GNG2: variants seen among roughly 807,000 people sequenced by gnomAD.
The protein encoded by GNG2 is G protein subunit gamma 2.
GNG2 carries 5 observed loss-of-function variants against 5.5 expected under a neutral mutation model. That is an observed-to-expected ratio of 0.91 (90% CI 0.48 to 1.92). The LOEUF is 1.92. GNG2 is among the 30% of genes most tolerant of loss of function. The probability of loss-of-function intolerance (pLI) is 0.01; values close to 1 mark genes in which losing one functional copy is unlikely to be tolerated. For synonymous variants in GNG2, 28 were observed against 32.0 expected (o/e 0.88, Z 0.42); for missense variants, 55 against 88.4 (o/e 0.62, Z 1.52).
chr14:51,865,019 G>A (rs1331513011), intron 1 of GNG2, among the ~76,000 whole-genome samples: 1 of 152,124 alleles, frequency 6.6e-6, no homozygotes, highest in African/African-American at 2.4e-5. Flanking sequence ...GAGGAGAGCT[G>A]GGCAGAACAA....
At chr14:51,915,172 C>T (rs903527841) in intron 2 of GNG2, among the ~76,000 whole-genome samples, 1 of 152,226 alleles carries the variant, frequency 6.6e-6, no homozygotes, top group African/African-American at 2.4e-5. Flanking sequence ...TGTACTCCCA[C>T]TAACCTTCTT....
At chr14:51,918,231 T>A (rs1886774495) in intron 2 of GNG2, among the ~76,000 whole-genome samples, 1 of 152,210 alleles carries the variant, frequency 6.6e-6, no homozygotes, top group South Asian at 2.1e-4. Context: ...TTGACCATGT[T>A]ACCACGCTGT....
intron 2 of GNG2, chr14:51,918,682 T>A (rs369664158): frequency 2.6e-5 from 4 of 152,230 alleles, no homozygotes; most frequent in African/African-American, 9.6e-5. Flanking sequence ...AAAGCAGATT[T>A]ATTACTTAGG....
chr14:51,928,745 T>TA (rs1327348403), intron 2 of GNG2, among the ~76,000 whole-genome samples: 1 of 152,240 alleles, frequency 6.6e-6, no homozygotes, highest in Non-Finnish European at 1.5e-5. Flanking sequence ...TCCGGGTACA[T>TA]ACGGCTTATA....
At chr14:51,926,730 T>C (rs1399361542) in intron 2 of GNG2, among the ~76,000 whole-genome samples, 3 of 152,188 alleles carry the variant, frequency 2.0e-5, no homozygotes, top group Non-Finnish European at 4.4e-5. Flanking sequence ...GGAAGCGTCT[T>C]AGCAGGACTG....
At chr14:51,918,980 C>T (rs986780438) in intron 2 of GNG2, among the ~76,000 whole-genome samples, 1 of 152,156 alleles carries the variant, frequency 6.6e-6, no homozygotes, top group Non-Finnish European at 1.5e-5. Context: ...CATGTGCCAC[C>T]ACGCCAGGCT....
intron 2 of GNG2, among the ~76,000 whole-genome samples, chr14:51,936,893 A>G (rs539727359): frequency 1.3e-5 from 2 of 152,330 alleles, no homozygotes; most frequent in South Asian, 4.1e-4. Flanking sequence ...ACTTTAAAAA[A>G]TAATATCTGT....
chr14:51,935,343 C>G (rs1887928997), intron 2 of GNG2, among the ~76,000 whole-genome samples: 1 of 152,126 alleles, frequency 6.6e-6, no homozygotes, highest in South Asian at 2.1e-4. Context: ...TTTCTTTAAG[C>G]TTACTGCATC....
At chr14:51,908,736 A>ATTTTTTTTTTT (rs3030340) in intron 2 of GNG2, among the ~76,000 whole-genome samples, 1,020 of 89,826 alleles carry the variant, frequency 0.011, 173 homozygotes, top group East Asian at 0.065. Context: ...CACCCAGCTA[A>ATTTTTTTTTTT]TTTTTTTTTT....
At chr14:51,828,295 G>C (rs1001858412) in intron 2 of GNG2, among the ~76,000 whole-genome samples, 8 of 152,172 alleles carry the variant, frequency 5.3e-5, no homozygotes, top group African/African-American at 1.9e-4. Context: ...CACACAGTAG[G>C]GAAGTTTTCC....
At chr14:51,904,816 T>C (rs540984976) in intron 2 of GNG2, among the ~76,000 whole-genome samples, 1 of 152,350 alleles carries the variant, frequency 6.6e-6, no homozygotes, top group East Asian at 1.9e-4. Context: ...TCGATCAGCT[T>C]CATTTCTTTA....
chr14:51,841,030 C>A (rs2140077008), intron 2 of GNG2, among the ~76,000 whole-genome samples: 1 of 152,170 alleles, frequency 6.6e-6, no homozygotes, highest in South Asian at 2.1e-4. Flanking sequence ...GGAGGAGTGA[C>A]CACAAATGCA....
intron 2 of GNG2, among the ~76,000 whole-genome samples, chr14:51,893,907 T>C (rs61973109): frequency 0.34 from 52,406 of 151,982 alleles, 9,673 homozygotes; most frequent in Non-Finnish European, 0.42. Flanking sequence ...TGGATCAATT[T>C]GGATCAATTT....
chr14:51,848,088 T>A (rs1303108935), intron 2 of GNG2, among the ~76,000 whole-genome samples: 1 of 151,916 alleles, frequency 6.6e-6, no homozygotes, highest in Non-Finnish European at 1.5e-5. Context: ...ACCATTCACT[T>A]TGGAGTCTTC....
At chr14:51,964,920 T>G (rs1889810667) in intron 3 of GNG2, among the ~76,000 whole-genome samples, 1 of 152,130 alleles carries the variant, frequency 6.6e-6, no homozygotes, top group African/African-American at 2.4e-5. Context: ...TGACAAAGCT[T>G]TAATCAACTC....
intron 2 of GNG2, chr14:51,917,539 T>C: frequency 7.2e-6 from 3 of 418,084 alleles, no homozygotes; most frequent in South Asian, 5.2e-5. Context: ...GCAAATAGCA[T>C]AAATCTTGCA....
intron 1 of GNG2, among the ~76,000 whole-genome samples, chr14:51,876,154 G>C (rs2140131388): frequency 6.6e-6 from 1 of 152,114 alleles, no homozygotes; most frequent in Non-Finnish European, 1.5e-5. Context: ...GCCCAGGCTG[G>C]TCTCAAACTC....
intron 2 of GNG2, among the ~76,000 whole-genome samples, chr14:51,943,028 C>T (rs76661982): frequency 0.016 from 2,466 of 152,198 alleles, 63 homozygotes; most frequent in African/African-American, 0.057. Context: ...AGAGAACCTA[C>T]CCTGACTCCA....
chr14:51,958,444 C>CG (rs1889397395), intron 3 of GNG2, among the ~76,000 whole-genome samples: 1 of 143,462 alleles, frequency 7.0e-6, no homozygotes, highest in Admixed American at 7.2e-5. Context: ...TCCGTTCCCC[C>CG]CCCCCATTTA....
Sources: gnomAD v4.1 joint callset for allele counts (sites outside exome capture counted in the v4.1 genomes callset) on GRCh38, gnomAD v4.1.1 for gene constraint, MANE v1.5 for transcripts, NCBI Gene and HGNC (gene_info 2026-07-23, HGNC 2026-07-21) for gene names.